Variants in TENM2 observed in about 807,000 individuals in gnomAD.
The protein encoded by TENM2 is teneurin transmembrane protein 2.
In TENM2, 52 loss-of-function variants were observed where a neutral mutation model predicts 245.2. The ratio of observed to expected loss-of-function variants is 0.21; its 90% CI spans 0.17 to 0.27. The LOEUF is 0.27. Among genes scored for constraint, TENM2 ranks in the 10% least tolerant of loss-of-function variants. The pLI, the probability that TENM2 is intolerant of heterozygous loss-of-function variation, is 1.00. For missense variants in TENM2, 3,046 were observed against 3,666.8 expected, an observed-to-expected ratio of 0.83 and a Z score of 4.37; for synonymous variants, 1,363 against 1,438.9, an observed-to-expected ratio of 0.95 and a Z score of 1.19.
rs79686856 is a variant in TENM2 at position 167,506,993 on chromosome 5, T to C, written c.502+131520T>C. ...CAACAGACTTAAACAACTTTTCTAA[T>C]GTAAAATGTCAGTTAATTATGAATA... On this transcript the variant is annotated intron_variant, in intron 2 of 28. Transcript: ENST00000518659. 3.8e-3 allele frequency among the ~76,000 whole-genome samples: 576 copies of C among 152,326 alleles called. 1 individual carries two copies. Among genetic ancestry groups the C allele is most frequent in the African/African-American group, 0.013 (548 of 41,580 alleles).
At chr5:167,180,057 C>T in the TENM2 span, among the ~76,000 whole-genome samples, 2 of 151,374 alleles carry the variant, frequency 1.3e-5, no homozygotes, top group African/African-American at 2.4e-5. Context: ...TGGCTGTGTC[C>T]TCCCACCTTC....
the TENM2 span, among the ~76,000 whole-genome samples, chr5:167,113,893 G>C: frequency 6.6e-6 from 1 of 152,162 alleles, no homozygotes; most frequent in Non-Finnish European, 1.5e-5. Flanking sequence ...AAAACTTGTA[G>C]ACAACTGTCA....
the TENM2 span, among the ~76,000 whole-genome samples, chr5:167,134,517 T>C: frequency 6.6e-6 from 1 of 152,212 alleles, no homozygotes; most frequent in African/African-American, 2.4e-5. Context: ...TCTTGTTTAT[T>C]TTTATGAGAG....
At chr5:167,053,772 T>C in the TENM2 span, among the ~76,000 whole-genome samples, 1 of 152,162 alleles carries the variant, frequency 6.6e-6, no homozygotes, top group Non-Finnish European at 1.5e-5. Flanking sequence ...CACAACAGGG[T>C]ATTTAACTTG....
chr5:167,994,753 C>T (rs1783926204), intron 5 of TENM2, among the ~76,000 whole-genome samples: 1 of 152,190 alleles, frequency 6.6e-6, no homozygotes. Flanking sequence ...TACACGGGAA[C>T]TGAGGCCTGA....
the TENM2 span, among the ~76,000 whole-genome samples, chr5:167,229,038 C>G: frequency 6.6e-6 from 1 of 152,164 alleles, no homozygotes; most frequent in African/African-American, 2.4e-5. Flanking sequence ...GAGTTTCACC[C>G]CCGCCACCCG....
the TENM2 span, among the ~76,000 whole-genome samples, chr5:167,116,031 C>A: frequency 2.0e-5 from 3 of 152,172 alleles, no homozygotes; most frequent in South Asian, 6.2e-4. Flanking sequence ...CGCTGTCTGG[C>A]ACATGGTAAG....
At chr5:167,711,137 G>A (rs1015355144) in intron 2 of TENM2, among the ~76,000 whole-genome samples, 8 of 152,210 alleles carry the variant, frequency 5.3e-5, no homozygotes, top group African/African-American at 1.9e-4. Context: ...AGGAACAAAG[G>A]CAGTATTCAA....
the TENM2 span, among the ~76,000 whole-genome samples, chr5:167,147,067 A>G: frequency 1.3e-5 from 2 of 152,204 alleles, no homozygotes; most frequent in Non-Finnish European, 1.5e-5. Flanking sequence ...GAGCATATTT[A>G]CAGACACACC....
At chr5:168,181,411 C>A (rs141414806) in intron 13 of TENM2, among the ~76,000 whole-genome samples, 291 of 152,296 alleles carry the variant, frequency 1.9e-3, no homozygotes, top group African/African-American at 6.7e-3. Flanking sequence ...TCTTAAGCAG[C>A]CCGTGCTTTT....
At chr5:167,940,426 C>G (rs1779083517) in intron 3 of TENM2, among the ~76,000 whole-genome samples, 2 of 151,884 alleles carry the variant, frequency 1.3e-5, no homozygotes, top group South Asian at 2.1e-4. Context: ...AAAATGGGTG[C>G]CAGTATGTGC....
At chr5:167,331,336 G>A (rs1341288853) in intron 1 of TENM2, among the ~76,000 whole-genome samples, 2 of 151,672 alleles carry the variant, frequency 1.3e-5, no homozygotes, top group African/African-American at 4.8e-5. Flanking sequence ...TCAGTTGAAA[G>A]AAGAAATTAT....
intron 25 of TENM2, among the ~76,000 whole-genome samples, chr5:168,236,339 C>G (rs1242429167): frequency 6.6e-6 from 1 of 152,184 alleles, no homozygotes; most frequent in Non-Finnish European, 1.5e-5. Flanking sequence ...ACATCCCTAC[C>G]AATGGACCAC....
intron 4 of TENM2, among the ~76,000 whole-genome samples, chr5:167,954,999 G>A (rs2072283313): frequency 6.6e-6 from 1 of 152,052 alleles, no homozygotes; most frequent in South Asian, 2.1e-4. Context: ...GGGATTGCTG[G>A]GTCAAATGGT....
chr5:167,183,206 A>G, the TENM2 span, among the ~76,000 whole-genome samples: 16 of 152,300 alleles, frequency 1.1e-4, no homozygotes, highest in Admixed American at 2.0e-4. Context: ...AAGGTCAACC[A>G]TGAAAATGAT....
At chr5:167,939,493 C>G (rs897701772) in intron 3 of TENM2, among the ~76,000 whole-genome samples, 1 of 152,158 alleles carries the variant, frequency 6.6e-6, no homozygotes, top group Non-Finnish European at 1.5e-5. Context: ...GAAACTCTAT[C>G]CAAGCTCTAT....
chr5:167,406,966 G>T (rs1163012871), intron 2 of TENM2, among the ~76,000 whole-genome samples: 1 of 152,102 alleles, frequency 6.6e-6, no homozygotes, highest in East Asian at 1.9e-4. Flanking sequence ...TAATTTAATA[G>T]AAAATAAGGT....
chr5:167,719,388 G>A (rs1759475648), intron 2 of TENM2, among the ~76,000 whole-genome samples: 1 of 152,182 alleles, frequency 6.6e-6, no homozygotes, highest in African/African-American at 2.4e-5. Flanking sequence ...TGAGATTTTA[G>A]GACAACACTA....
chr5:167,445,841 G>T (rs971268929), intron 2 of TENM2, among the ~76,000 whole-genome samples: 27 of 152,290 alleles, frequency 1.8e-4, no homozygotes, highest in African/African-American at 6.3e-4. Context: ...GGAGCAGAAA[G>T]AGAAAGGGAG....
Sources: allele counts gnomAD v4.1 joint callset (sites outside exome capture counted in the v4.1 genomes callset), GRCh38; gene constraint gnomAD v4.1.1; transcripts MANE v1.5; gene names NCBI Gene and HGNC (gene_info 2026-07-23, HGNC 2026-07-21).